Variants in PCSK6 observed in about 807,000 individuals in gnomAD.
The protein encoded by PCSK6 is paired basic amino acid cleaving enzyme 4.
In PCSK6, 85 loss-of-function variants were observed where a neutral mutation model predicts 123.3. That is an observed-to-expected ratio of 0.69 (90% CI 0.58 to 0.83). PCSK6 has a LOEUF of 0.83. PCSK6 is among the 40% of genes least tolerant of loss of function. PCSK6 has a pLI of 0.00. For synonymous variants in PCSK6, 508 were observed against 516.0 expected (o/e 0.98, Z 0.21); for missense variants, 1,191 against 1,282.3 (o/e 0.93, Z 1.09).
intron 1 of PCSK6, among the ~76,000 whole-genome samples, chr15:101,457,270 TC>T (rs1469463484): frequency 6.6e-6 from 1 of 152,200 alleles, no homozygotes. Flanking sequence ...CAGATCTGAA[TC>T]CCAACTCCTC....
intron 20 of PCSK6, among the ~76,000 whole-genome samples, chr15:101,310,730 G>A (rs185893210): frequency 1.3e-4 from 19 of 151,960 alleles, no homozygotes; most frequent in African/African-American, 4.4e-4. Flanking sequence ...TCCCTCATGG[G>A]CTCACTGTAG....
chr15:101,365,609 A>G (rs902999832), intron 13 of PCSK6, among the ~76,000 whole-genome samples: 2 of 152,228 alleles, frequency 1.3e-5, no homozygotes, highest in African/African-American at 2.4e-5. Flanking sequence ...TTGTACATGA[A>G]TCCTCATAGC....
rs777941248 is a variant in PCSK6, at chr15:101,324,898, TCTC to T, written c.2326_2328del (p.Glu776del). 2 of 1,613,620 alleles carry T rather than the reference TCTC, an allele frequency of 1.2e-6. No homozygotes were observed. The highest frequency in any genetic ancestry group is 1.7e-6 in the Non-Finnish European group (2 of 1,179,878). ...GGACAGAGGGTCACACAGGTGTTCATCTCCTGGTGGTGATAGAACCCGCGGCGG... is the reference window on the plus strand; with the variant it reads ...GGACAGAGGGTCACACAGGTGTTCATCTGGTGGTGATAGAACCCGCGGCGG... On this transcript the variant is annotated inframe_deletion, in exon 17 of 22. Transcript: ENST00000611716.
At chr15:101,369,181 G>T (rs1259298988) in intron 12 of PCSK6, among the ~76,000 whole-genome samples, 1 of 152,256 alleles carries the variant, frequency 6.6e-6, no homozygotes, top group East Asian at 1.9e-4. Context: ...AGACCAGGCT[G>T]CTGGGCAGTG....
intron 11 of PCSK6, among the ~76,000 whole-genome samples, chr15:101,371,161 C>T (rs562475236): frequency 2.0e-5 from 3 of 152,192 alleles, no homozygotes; most frequent in South Asian, 2.1e-4. Flanking sequence ...GAGCCGAGGT[C>T]GCACCACTGC....
intron 13 of PCSK6, among the ~76,000 whole-genome samples, chr15:101,340,124 A>C (rs986412756): frequency 1.3e-5 from 2 of 152,176 alleles, no homozygotes; most frequent in Admixed American, 6.5e-5. Flanking sequence ...AAAAGAGTAC[A>C]TATATGTGTG....
At position 101,478,073 on chromosome 15, in the gene PCSK6, G is replaced by A. The variant is rs531423835; in HGVS notation, c.297+11301C>T. Among the ~76,000 whole-genome samples the A allele has an allele frequency of 5.3e-5, 8 of 152,040 alleles. No homozygotes were observed. The East Asian group carries it at 1.2e-3, about 22-fold the overall frequency. On this transcript the variant is annotated intron_variant, in intron 1 of 21. Transcript: ENST00000611716. The stretch of plus-strand genomic sequence containing the variant: ...AAAGCCCCAAGCCAAGCTCCGTGGC[G>A]GCTCACATGCCACCTGCTCCTTGTA...
In PCSK6 at chr15:101,489,424, C is replaced by T. The variant is rs1356072190; in HGVS notation, c.247G>A (p.Ala83Thr). 7.8e-7 allele frequency: 1 copy of T among 1,281,012 alleles called. No homozygotes were observed. The highest frequency in any genetic ancestry group is 1.5e-5 in the South Asian group (1 of 66,522). The allele number at this position is 1,281,012 out of a possible 1,614,324, so 79.4% of individuals were successfully genotyped here. Residue 83 changes from alanine (A) to threonine (T), a missense_variant, in exon 1 of 22, where the codon GCC becomes ACC. By Grantham distance (58) the Ala-to-Thr change is moderately conservative. This residue lies in a region of PCSK6 where 204 missense variants were observed against 166.4 expected (regional missense o/e 1.23). Transcript: ENST00000611716. ...HWAVQVLGGP[A>T]EADRVAAAHG... is the part of the protein sequence containing the mutation. ...GCCGCCGCCACGCGGTCCGCCTCGG[C>T]CGGGCCGCCCAGCACTTGCACCGCC...
At chr15:101,458,955 T>C (rs2057264358) in intron 1 of PCSK6, among the ~76,000 whole-genome samples, 1 of 152,194 alleles carries the variant, frequency 6.6e-6, no homozygotes, top group Admixed American at 6.5e-5. Flanking sequence ...TGGATGGGCC[T>C]GGATTTTACT....
intron 1 of PCSK6, among the ~76,000 whole-genome samples, chr15:101,446,423 CT>C (rs1490624132): frequency 6.6e-6 from 1 of 152,250 alleles, no homozygotes; most frequent in African/African-American, 2.4e-5. Flanking sequence ...ATTACTCCCA[CT>C]GCTTGGCTGC....
chr15:101,470,669 C>T (rs1417164168), intron 1 of PCSK6, among the ~76,000 whole-genome samples: 1 of 152,174 alleles, frequency 6.6e-6, no homozygotes, highest in African/African-American at 2.4e-5. Context: ...TCTCTTCTCT[C>T]CCCACCCCCA....
rs2141515396 is a variant in PCSK6 at position 101,384,306 on chromosome 15, A to G, written c.1414+16T>C. On this transcript the variant is annotated intron_variant, in intron 10 of 21. Coordinates refer to ENST00000611716, the MANE Select transcript of PCSK6 (RefSeq NM_002570.5). ...CCAGGGCCACCCAATGGTCCACCAG[A>G]ACGCCACTGCCGCACCTTTATGACC... 2 of 1,612,490 alleles carry G rather than the reference A, an allele frequency of 1.2e-6. No individual in the cohort carries two copies. Among genetic ancestry groups the G allele is most frequent in the Non-Finnish European group, 1.7e-6 (2 of 1,178,816 alleles).
rs1217910112 is a variant in PCSK6, at chr15:101,422,026, G to A, written c.823+5866C>T. 5.9e-5 allele frequency among the ~76,000 whole-genome samples: 9 copies of A among 152,310 alleles called. No individual in the cohort carries two copies. The South Asian group carries it at 1.2e-3, about 21-fold the overall frequency. On this transcript the variant is annotated intron_variant, in intron 6 of 21. Coordinates refer to ENST00000611716, the MANE Select transcript of PCSK6 (RefSeq NM_002570.5). ...TGAAGAACAACCAGAAAAGGGCAGA[G>A]GTAGGCAGGGGGTTCAATTCTTGAC...
intron 1 of PCSK6, among the ~76,000 whole-genome samples, chr15:101,476,401 A>G (rs2057731316): frequency 6.6e-6 from 1 of 152,212 alleles, no homozygotes; most frequent in Non-Finnish European, 1.5e-5. Context: ...GTGGTATAAC[A>G]AAACATGTTG....
At position 101,384,226 on chromosome 15, in the gene PCSK6, T is replaced by C. The variant is rs375440612; in HGVS notation, c.1414+96A>G. The C allele has an allele frequency of 8.4e-6, 13 of 1,543,008 alleles. No homozygotes were observed. In the African/African-American group the frequency reaches 1.8e-4, roughly 21 times the overall value. ...GTGACACACAATTAATAATAACAACTAATGCTATTTGGAGAGTCCTTTTAA... is the reference window on the plus strand; with the variant it reads ...GTGACACACAATTAATAATAACAACCAATGCTATTTGGAGAGTCCTTTTAA... On this transcript the variant is annotated intron_variant, in intron 10 of 21. Coordinates refer to ENST00000611716, the MANE Select transcript of PCSK6 (RefSeq NM_002570.5).
chr15:101,322,513 G>C lies in PCSK6; in HGVS notation c.2465+7C>G. On this transcript the variant is annotated splice_region_variant and intron_variant, in intron 18 of 21. Transcript: ENST00000611716. ...CTGACATTCCTCAGGTTTCGAGGGG[G>C]TTTTACCTGAATCCTTCTTTACAGA... 6.2e-7 allele frequency: 1 copy of C among 1,602,104 alleles called. No homozygotes were observed. Among genetic ancestry groups the C allele is most frequent in the South Asian group, 1.1e-5 (1 of 90,784 alleles).
intron 13 of PCSK6, among the ~76,000 whole-genome samples, chr15:101,350,777 G>T (rs112798213): frequency 0.082 from 12,478 of 152,200 alleles, 721 homozygotes; most frequent in Non-Finnish European, 0.12. Context: ...CAATGAATAC[G>T]CTCCCCTTAA....
At chr15:101,320,366 G>A (rs1009313856) in intron 18 of PCSK6, among the ~76,000 whole-genome samples, 4 of 152,342 alleles carry the variant, frequency 2.6e-5, no homozygotes, top group South Asian at 2.1e-4. Flanking sequence ...GATTACAGGC[G>A]TGAGCCACTG....
At chr15:101,454,100 T>C (rs2057110831) in intron 1 of PCSK6, among the ~76,000 whole-genome samples, 1 of 152,236 alleles carries the variant, frequency 6.6e-6, no homozygotes, top group Non-Finnish European at 1.5e-5. Context: ...GGAGGTCATG[T>C]TGGAGGAGGC....
Sources: gnomAD v4.1 joint callset for allele counts (sites outside exome capture counted in the v4.1 genomes callset) on GRCh38, gnomAD v4.1.1 for gene constraint, gnomAD v4.1.1 regional missense constraint, MANE v1.5 for transcripts, NCBI Gene and HGNC (gene_info 2026-07-23, HGNC 2026-07-21) for gene names.